The following RIC1 variants were observed in gnomAD, a reference collection of about 807,000 sequenced individuals.
The protein encoded by RIC1 is RIC1 partner of RAB6A GEF complex.
Under a neutral mutation model 169.0 loss-of-function variants are expected in RIC1, and 88 were observed. The ratio of observed to expected loss-of-function variants is 0.52; its 90% CI spans 0.44 to 0.62. RIC1 has a LOEUF of 0.62. RIC1 is among the 20% of genes least tolerant of loss of function. RIC1 has a pLI of 0.00. For missense variants in RIC1, 1,877 were observed against 1,725.5 expected (o/e 1.09, Z -1.56); for synonymous variants, 790 against 601.5 (o/e 1.31, Z -4.59).
intron 1 of RIC1, among the ~76,000 whole-genome samples, chr9:5,637,584 G>C (rs368322287): frequency 3.3e-5 from 5 of 151,964 alleles, no homozygotes; most frequent in Non-Finnish European, 7.4e-5. Flanking sequence ...CCCATTAGCC[G>C]TTCCCACCTC....
intron 8 of RIC1, among the ~76,000 whole-genome samples, chr9:5,742,189 C>A (rs1316387121): frequency 6.6e-6 from 1 of 152,132 alleles, no homozygotes; most frequent in Non-Finnish European, 1.5e-5. Context: ...CCATTGTAGT[C>A]CCAGCTTTAC....
At chr9:5,672,130 A>G (rs766716457) in intron 2 of RIC1, among the ~76,000 whole-genome samples, 10 of 152,224 alleles carry the variant, frequency 6.6e-5, no homozygotes, top group Non-Finnish European at 1.5e-4. Flanking sequence ...GCTCAGCAGT[A>G]TGTGAGCTTG....
intron 12 of RIC1, among the ~76,000 whole-genome samples, chr9:5,751,378 CAG>C (rs1204122892): frequency 6.6e-6 from 1 of 151,758 alleles, no homozygotes; most frequent in Non-Finnish European, 1.5e-5. Flanking sequence ...GGCAGGGAGA[CAG>C]AGTCTCACTC....
chr9:5,749,417 A>T (rs929346693), intron 12 of RIC1, among the ~76,000 whole-genome samples: 1 of 152,180 alleles, frequency 6.6e-6, no homozygotes, highest in African/African-American at 2.4e-5. Context: ...GCCATTTATG[A>T]TGACTCCCTG....
chr9:5,772,711 A>T lies in RIC1; in HGVS notation c.3764A>T (p.Lys1255Ile), dbSNP rs772444753. Residue 1255 changes from lysine to isoleucine, a missense_variant, in exon 24 of 26, where the codon AAA becomes ATA. This residue lies in a region of RIC1 where 681 missense variants were observed against 582.0 expected (regional missense o/e 1.17). Coordinates refer to ENST00000414202, the MANE Select transcript of RIC1 (RefSeq NM_020829.4). ...CACATTTCCATGGAGTTGGCCAGTAAAGGGCCTCATAAATCCCAGGTCCAG... is the reference window on the plus strand; with the variant it reads ...CACATTTCCATGGAGTTGGCCAGTATAGGGCCTCATAAATCCCAGGTCCAG... ...LEHISMELASKGPHKSQVQLR... is the reference protein window; with the variant it reads ...LEHISMELASIGPHKSQVQLR... 2.0e-5 allele frequency: 32 copies of T among 1,609,978 alleles called. No individual in the cohort carries two copies. Among genetic ancestry groups the T allele is most frequent in the Non-Finnish European group, 2.5e-5 (30 of 1,178,934 alleles).
At chr9:5,758,785 G>A (rs749303447) in intron 17 of RIC1, among the ~76,000 whole-genome samples, 10 of 122,378 alleles carry the variant, frequency 8.2e-5, no homozygotes, top group African/African-American at 2.3e-4. Context: ...TCACTCTATC[G>A]CCAGGCTGGA....
intron 19 of RIC1, among the ~76,000 whole-genome samples, chr9:5,764,187 A>G (rs76686101): frequency 0.021 from 3,194 of 152,356 alleles, 144 homozygotes; most frequent in African/African-American, 0.074. Context: ...GAAATATTAC[A>G]TAAGATTATT....
Position 5,743,020 on chromosome 9 carries a change from C to G in RIC1, c.1046+7C>G. On this transcript the variant is annotated splice_region_variant and intron_variant, in intron 9 of 25. Coordinates refer to ENST00000414202, the MANE Select transcript of RIC1 (RefSeq NM_020829.4). Reference sequence around the variant, plus strand: ...CACTTGGAGGAGATTTTGCGTAAGTCAAAAAAGACAATTTTTAGATAAAAT... The same window carrying G: ...CACTTGGAGGAGATTTTGCGTAAGTGAAAAAAGACAATTTTTAGATAAAAT... 6.3e-7 allele frequency: 1 copy of G among 1,596,612 alleles called. No individual in the cohort carries two copies. The highest frequency in any genetic ancestry group is 8.5e-7 in the Non-Finnish European group (1 of 1,175,222).
chr9:5,712,998 A>G (rs1422877054), intron 3 of RIC1: 1 of 152,248 alleles, frequency 6.6e-6, no homozygotes, highest in Non-Finnish European at 1.5e-5. Context: ...AGTAAGAAAG[A>G]AAACTAAAAA....
In RIC1 at chr9:5,715,335, A is replaced by G. The variant is rs1283380768; in HGVS notation, c.440+1332A>G. On this transcript the variant is annotated intron_variant, in intron 4 of 25. Transcript: ENST00000414202. Reference sequence around the variant, plus strand: ...TGTATGGTGCATGGAAATAGAATAGAAAAAGAGCCAAAAAGAAAAAAAAAC... The same window carrying G: ...TGTATGGTGCATGGAAATAGAATAGGAAAAGAGCCAAAAAGAAAAAAAAAC... 1.4e-4 allele frequency among the ~76,000 whole-genome samples: 21 copies of G among 152,166 alleles called. 1 individual carries two copies. The highest frequency in any genetic ancestry group is 1.4e-3 in the Admixed American group (21 of 15,284).
chr9:5,646,693 G>A (rs1818533380), intron 1 of RIC1, among the ~76,000 whole-genome samples: 1 of 152,116 alleles, frequency 6.6e-6, no homozygotes. Flanking sequence ...GCCTAGTGAT[G>A]CATTTCTTGG....
At chr9:5,680,815 A>ATTTTTT (rs66478510) in intron 2 of RIC1, among the ~76,000 whole-genome samples, 900 of 57,766 alleles carry the variant, frequency 0.016, 214 homozygotes, top group South Asian at 0.027. Context: ...GCAGTCATTG[A>ATTTTTT]TTTTTTTTTT....
chr9:5,747,222 G>T (rs1825429850), intron 11 of RIC1, 80 bp from the exon 12 acceptor site: 1 of 1,047,448 alleles, frequency 9.5e-7, no homozygotes, highest in African/African-American at 1.6e-5. Flanking sequence ...AAATCGATGT[G>T]TTATTTTTGC....
chr9:5,765,571 A>G lies in RIC1; in HGVS notation c.2999A>G (p.Gln1000Arg), dbSNP rs1480085159. 3 of 1,613,738 alleles carry G rather than the reference A, an allele frequency of 1.9e-6. No homozygotes were observed. The highest frequency in any genetic ancestry group is 2.5e-6 in the Non-Finnish European group (3 of 1,179,664). ...ACACCTCCATCCACACCCACAGCTCAGGTTAGTTGCAAAAGTTACACATCT... is the reference window on the plus strand; with the variant it reads ...ACACCTCCATCCACACCCACAGCTCGGGTTAGTTGCAAAAGTTACACATCT... Reference protein sequence around the residue: ...SETPPSTPTAQEPSSSGGFEF... With the variant: ...SETPPSTPTAREPSSSGGFEF... Residue 1000 changes from glutamine (Q) to arginine (R), a missense_variant and splice_region_variant, in exon 20 of 26, where the codon CAG becomes CGG. Coordinates refer to ENST00000414202, the MANE Select transcript of RIC1 (RefSeq NM_020829.4).
At chr9:5,713,363 T>G (rs1040189811) in intron 3 of RIC1, 3 of 152,372 alleles carry the variant, frequency 2.0e-5, no homozygotes, top group African/African-American at 7.2e-5. Flanking sequence ...ATTTAAAATT[T>G]TAGGTATTTA....
chr9:5,660,263 C>T (rs1316971502), intron 2 of RIC1, among the ~76,000 whole-genome samples: 2 of 152,166 alleles, frequency 1.3e-5, no homozygotes, highest in African/African-American at 4.8e-5. Flanking sequence ...CATCGGGGGA[C>T]ATTCAGGTTG....
chr9:5,631,048 C>G (rs896926781), intron 1 of RIC1, among the ~76,000 whole-genome samples: 1 of 152,124 alleles, frequency 6.6e-6, no homozygotes, highest in African/African-American at 2.4e-5. Flanking sequence ...TAAAAGTAAA[C>G]AATATGACCT....
At chr9:5,689,873 C>T (rs891129183) in intron 2 of RIC1, 86 bp from the exon 3 acceptor site, 32 of 905,160 alleles carry the variant, frequency 3.5e-5, no homozygotes, top group African/African-American at 8.9e-5. Context: ...AATTTTTTTT[C>T]GAAGTAAGAA....
chr9:5,734,062 T>A (rs1824542054), intron 7 of RIC1, among the ~76,000 whole-genome samples: 1 of 147,144 alleles, frequency 6.8e-6, no homozygotes, highest in African/African-American at 2.5e-5. Flanking sequence ...ATTTAAATAT[T>A]ATAAATATAT....
Sources: gnomAD v4.1 joint callset for allele counts (sites outside exome capture counted in the v4.1 genomes callset) on GRCh38, gnomAD v4.1.1 for gene constraint, gnomAD v4.1.1 regional missense constraint, MANE v1.5 for transcripts, NCBI Gene and HGNC (gene_info 2026-07-23, HGNC 2026-07-21) for gene names.